Variants in ENTREP2 observed in about 807,000 individuals in gnomAD.
ENTREP2 encodes the protein protein ENTREP2.
At chr15:29,363,176 G>A in the ENTREP2 span, among the ~76,000 whole-genome samples, 1 of 151,874 alleles carries the variant, frequency 6.6e-6, no homozygotes, top group Non-Finnish European at 1.5e-5. Flanking sequence ...TAAAAAAAAA[G>A]GTCACGACCT....
chr15:29,285,197 G>T, the ENTREP2 span, among the ~76,000 whole-genome samples: 1 of 152,180 alleles, frequency 6.6e-6, no homozygotes, highest in Non-Finnish European at 1.5e-5. Flanking sequence ...TTGTTAGATG[G>T]TGTTCTATTG....
At chr15:29,298,038 G>A in the ENTREP2 span, among the ~76,000 whole-genome samples, 1 of 152,126 alleles carries the variant, frequency 6.6e-6, no homozygotes, top group African/African-American at 2.4e-5. Flanking sequence ...TTCAACAAAT[G>A]TCAAAAGTTT....
the ENTREP2 span, among the ~76,000 whole-genome samples, chr15:29,305,789 G>A: frequency 6.6e-6 from 1 of 152,232 alleles, no homozygotes; most frequent in Non-Finnish European, 1.5e-5. Flanking sequence ...TTGGATACAT[G>A]AGTCTGGAGC....
At chr15:29,639,441 T>C in the ENTREP2 span, among the ~76,000 whole-genome samples, 1 of 152,216 alleles carries the variant, frequency 6.6e-6, no homozygotes, top group Non-Finnish European at 1.5e-5. Context: ...TGGTAAATTT[T>C]ATGTTACATA....
the ENTREP2 span, among the ~76,000 whole-genome samples, chr15:29,301,803 A>C: frequency 2.6e-5 from 4 of 152,248 alleles, no homozygotes; most frequent in Non-Finnish European, 4.4e-5. Flanking sequence ...TAGTGTCCTT[A>C]TAAAAGAGGC....
the ENTREP2 span, among the ~76,000 whole-genome samples, chr15:29,421,797 T>C: frequency 6.6e-6 from 1 of 152,196 alleles, no homozygotes; most frequent in African/African-American, 2.4e-5. Context: ...CAATTTTTCA[T>C]GGTGCCATGG....
chr15:29,136,276 C>T, the ENTREP2 span: 227 of 1,354,002 alleles, frequency 1.7e-4, 2 homozygotes, highest in East Asian at 3.0e-3. Flanking sequence ...TCGGACCTGG[C>T]GCGGTGTGAG....
chr15:29,647,204 G>A, the ENTREP2 span, among the ~76,000 whole-genome samples: 158 of 152,334 alleles, frequency 1.0e-3, no homozygotes, highest in Non-Finnish European at 2.1e-3. Flanking sequence ...TCTGTTAATG[G>A]AGGACATACA....
chr15:29,147,188 C>T, the ENTREP2 span, among the ~76,000 whole-genome samples: 17 of 152,280 alleles, frequency 1.1e-4, no homozygotes, highest in Admixed American at 3.9e-4. Context: ...ACTTTTACAA[C>T]TCAGTAATAA....
At chr15:29,342,435 A>G in the ENTREP2 span, among the ~76,000 whole-genome samples, 1 of 152,158 alleles carries the variant, frequency 6.6e-6, no homozygotes, top group Non-Finnish European at 1.5e-5. Context: ...TCTGCATCAC[A>G]TGCCATAGTG....
the ENTREP2 span, among the ~76,000 whole-genome samples, chr15:29,439,661 T>G: frequency 7.2e-5 from 11 of 152,148 alleles, no homozygotes; most frequent in African/African-American, 2.7e-4. Flanking sequence ...AACAGGACAT[T>G]TGCAAGGCCT....
chr15:29,352,887 C>G, the ENTREP2 span, among the ~76,000 whole-genome samples: 1 of 152,328 alleles, frequency 6.6e-6, no homozygotes, highest in East Asian at 1.9e-4. Flanking sequence ...TTATTCACCC[C>G]TCATCATTCG....
the ENTREP2 span, among the ~76,000 whole-genome samples, chr15:29,361,455 C>T: frequency 1.3e-5 from 2 of 152,162 alleles, no homozygotes; most frequent in African/African-American, 4.8e-5. Flanking sequence ...ATTCATTTCT[C>T]GATTTCTAAC....
the ENTREP2 span, among the ~76,000 whole-genome samples, chr15:29,450,198 T>C: frequency 6.6e-6 from 1 of 152,216 alleles, no homozygotes; most frequent in Non-Finnish European, 1.5e-5. Context: ...TCCTGTAGGC[T>C]GCCTGTTTTC....
At chr15:29,422,928 TG>T in the ENTREP2 span, among the ~76,000 whole-genome samples, 1 of 152,162 alleles carries the variant, frequency 6.6e-6, no homozygotes, top group African/African-American at 2.4e-5. Context: ...GGGATCAAGA[TG>T]GAATCTGAGA....
the ENTREP2 span, among the ~76,000 whole-genome samples, chr15:29,157,795 T>C: frequency 2.5e-4 from 38 of 151,384 alleles, 1 homozygote; most frequent in East Asian, 1.8e-3. Context: ...AGTGGCGCGA[T>C]ATCGGCTCAC....
At chr15:29,233,800 C>T in the ENTREP2 span, 2 of 1,565,268 alleles carry the variant, frequency 1.3e-6, no homozygotes, top group African/African-American at 1.4e-5. Flanking sequence ...CCTCAACAGA[C>T]TGCCTTTGTT....
the ENTREP2 span, chr15:29,196,406 A>G: frequency 2.6e-6 from 4 of 1,548,266 alleles, no homozygotes; most frequent in Non-Finnish European, 3.5e-6. Flanking sequence ...AAATGCATGC[A>G]CAAGCAGCGC....
the ENTREP2 span, among the ~76,000 whole-genome samples, chr15:29,281,690 A>G: frequency 5.1e-3 from 773 of 152,326 alleles, 6 homozygotes; most frequent in African/African-American, 0.018. Context: ...ATTTGACGTA[A>G]TAACTTCCTT....
Sources: gnomAD v4.1 joint callset for allele counts (sites outside exome capture counted in the v4.1 genomes callset) on GRCh38, gnomAD v4.1.1 for gene constraint, MANE v1.5 for transcripts, NCBI Gene and HGNC (gene_info 2026-07-23, HGNC 2026-07-21) for gene names.